PAPPA: variants seen among roughly 807,000 people sequenced by gnomAD.
The protein encoded by PAPPA is pappalysin 1.
PAPPA carries 60 observed loss-of-function variants against 164.0 expected under a neutral mutation model. The observed-to-expected ratio is 0.37, with a 90% CI of 0.30 to 0.45. The LOEUF is 0.45. Ranked by LOEUF, PAPPA falls within the 20% of genes least tolerant of loss-of-function variation. The probability of loss-of-function intolerance (pLI) is 1.00; values close to 1 mark genes in which losing one functional copy is unlikely to be tolerated. For missense variants in PAPPA, 1,782 were observed against 2,087.3 expected (o/e 0.85, Z 2.85); for synonymous variants, 875 against 814.1 (o/e 1.07, Z -1.27).
chr9:116,262,885 T>C (rs975283367), intron 7 of PAPPA, among the ~76,000 whole-genome samples: 58 of 152,360 alleles, frequency 3.8e-4, no homozygotes, highest in African/African-American at 1.3e-3. Context: ...CTTATCCTTC[T>C]GAAAGAAATC....
intron 6 of PAPPA, among the ~76,000 whole-genome samples, chr9:116,229,825 T>G (rs1844567877): frequency 6.6e-6 from 1 of 152,156 alleles, no homozygotes. Context: ...GTGAGGTCGG[T>G]GGCTGTGAGA....
intron 9 of PAPPA, among the ~76,000 whole-genome samples, chr9:116,297,405 A>C (rs1845523187): frequency 6.6e-6 from 1 of 152,192 alleles, no homozygotes; most frequent in Non-Finnish European, 1.5e-5. Flanking sequence ...TTCCTTGTGA[A>C]AATTATCCCT....
intron 21 of PAPPA, among the ~76,000 whole-genome samples, chr9:116,385,666 A>AAT (rs1846800296): frequency 6.6e-6 from 1 of 152,160 alleles, no homozygotes; most frequent in Non-Finnish European, 1.5e-5. Flanking sequence ...CCACATTATA[A>AAT]ATGTAGTTAG....
At chr9:116,372,993 T>C (rs932964685) in intron 19 of PAPPA, among the ~76,000 whole-genome samples, 88 of 152,198 alleles carry the variant, frequency 5.8e-4, no homozygotes, top group African/African-American at 2.1e-3. Flanking sequence ...GCAACCCTCA[T>C]ACATGTCTTT....
At chr9:116,333,734 A>T (rs79655116) in intron 12 of PAPPA, among the ~76,000 whole-genome samples, 3 of 152,328 alleles carry the variant, frequency 2.0e-5, no homozygotes, top group Non-Finnish European at 4.4e-5. Context: ...AAATATTTTC[A>T]TAGTTGTCGT....
Position 116,352,703 on chromosome 9 carries a change from C to T in PAPPA, c.3965-3C>T. 2 of 1,611,366 alleles carry T rather than the reference C, an allele frequency of 1.2e-6. No homozygotes were observed. The highest frequency in any genetic ancestry group is 1.7e-6 in the Non-Finnish European group (2 of 1,178,980). Reference sequence around the variant, plus strand: ...TCTAACCCTGCTTGCCTATGTCTTCCAGGCAACAACAGCCTCCTGACCTGC... The same window carrying T: ...TCTAACCCTGCTTGCCTATGTCTTCTAGGCAACAACAGCCTCCTGACCTGC... On this transcript the variant is annotated splice_region_variant and splice_polypyrimidine_tract_variant and intron_variant, in intron 15 of 21. Transcript: ENST00000328252.
chr9:116,391,660 C>T (rs1393038232), intron 21 of PAPPA, among the ~76,000 whole-genome samples: 1 of 152,228 alleles, frequency 6.6e-6, no homozygotes, highest in African/African-American at 2.4e-5. Context: ...TGTGCCGGAG[C>T]ACCATCTCTA....
rs1564235452 is a variant in PAPPA at position 116,347,023 on chromosome 9, C to T, written c.3781-3C>T. 6.2e-7 allele frequency: 1 copy of T among 1,608,832 alleles called. No individual in the cohort carries two copies. The highest frequency in any genetic ancestry group is 8.5e-7 in the Non-Finnish European group (1 of 1,177,098). On this transcript the variant is annotated splice_region_variant and splice_polypyrimidine_tract_variant and intron_variant, in intron 14 of 21. Transcript: ENST00000328252. The surrounding 1 kb of genome is among the most constrained non-coding windows in gnomAD (Gnocchi z 4.5). ...CCTCACTATGCACGACTCTGCCTTT[C>T]AGACGGGACCCAGCGTCACAGTGAC...
At chr9:116,244,551 T>C (rs559603930) in intron 7 of PAPPA, among the ~76,000 whole-genome samples, 1 of 152,284 alleles carries the variant, frequency 6.6e-6, no homozygotes, top group East Asian at 1.9e-4. Context: ...CTGAAGAGTA[T>C]TATTTCAAGA....
intron 2 of PAPPA, among the ~76,000 whole-genome samples, chr9:116,199,188 G>A (rs1005486224): frequency 6.6e-6 from 1 of 152,096 alleles, no homozygotes; most frequent in Admixed American, 6.6e-5. Flanking sequence ...CCCATTACCT[G>A]GTCCCATCAC....
chr9:116,309,049 G>A (rs1313230470), intron 10 of PAPPA, among the ~76,000 whole-genome samples: 1 of 151,834 alleles, frequency 6.6e-6, no homozygotes, highest in Non-Finnish European at 1.5e-5. Context: ...CAGTGAAAGG[G>A]AATTGTAAGA....
intron 7 of PAPPA, among the ~76,000 whole-genome samples, chr9:116,243,503 T>G (rs1222037204): frequency 1.3e-5 from 2 of 152,156 alleles, no homozygotes; most frequent in Non-Finnish European, 2.9e-5. Flanking sequence ...AGGTCATTGA[T>G]TTAAGGTCCC....
At chr9:116,387,662 G>A (rs1244811278) in intron 21 of PAPPA, among the ~76,000 whole-genome samples, 3 of 152,190 alleles carry the variant, frequency 2.0e-5, no homozygotes, top group South Asian at 2.1e-4. Flanking sequence ...GATGTGAGCC[G>A]CCATGGACGG....
In PAPPA at chr9:116,187,540, A is replaced by G. The variant is rs1587943478; in HGVS notation, c.802A>G (p.Ile268Val). 5.0e-6 allele frequency: 8 copies of G among 1,614,132 alleles called. No individual in the cohort carries two copies. Among genetic ancestry groups the G allele is most frequent in the Non-Finnish European group, 6.8e-6 (8 of 1,180,032 alleles). Residue 268 changes from isoleucine (I) to valine (V), a missense_variant, in exon 2 of 22, where the codon ATA becomes GTA. Ile to Val is a conservative substitution (Grantham distance 29). Transcript: ENST00000328252. The surrounding 1 kb of genome is among the most constrained non-coding windows in gnomAD (Gnocchi z 4.2). ...LWKVARTQRE[I>V]LSDMETHGAH... ...GAAGGTGGCCAGGACTCAGCGGGAGATACTGTCTGACATGGAAACCCATGG... is the reference window on the plus strand; with the variant it reads ...GAAGGTGGCCAGGACTCAGCGGGAGGTACTGTCTGACATGGAAACCCATGG...
At chr9:116,375,956 G>T (rs1273201961) in intron 19 of PAPPA, among the ~76,000 whole-genome samples, 1 of 151,348 alleles carries the variant, frequency 6.6e-6, no homozygotes, top group Non-Finnish European at 1.5e-5. Flanking sequence ...ATTCTTTAAA[G>T]AAATAATTGT....
Position 116,154,544 on chromosome 9 carries a change from G to A in PAPPA, c.372G>A (p.Trp124Ter). Residue 124 changes from tryptophan (W) to a stop codon, truncating the protein, a stop_gained, in exon 1 of 22, where the codon TGG becomes TGA. Transcript: ENST00000328252. LOFTEE classifies it high-confidence loss of function. This position sits in a 1 kb window ranked among gnomAD's most constrained non-coding sequence, Gnocchi z 5.2. ...GGGACGCGTTCACGCTGCAAGTGTGGCTGCGAGCGGAGGGGGGCCAGAGGT... is the reference window on the plus strand; with the variant it reads ...GGGACGCGTTCACGCTGCAAGTGTGACTGCGAGCGGAGGGGGGCCAGAGGT... The part of the protein sequence containing the change: ...LPRDAFTLQV[W>*]LRAEGGQRSP... The A allele has an allele frequency of 1.4e-6, 2 of 1,405,880 alleles. No individual in the cohort carries two copies. The highest frequency in any genetic ancestry group is 1.9e-6 in the Non-Finnish European group (2 of 1,077,812). 87.1% of individuals were successfully genotyped at this position (1,405,880 alleles called of 1,614,324 possible). A position where few individuals can be genotyped will look rare whatever the true frequency, so the allele number is the denominator to read the frequency against.
chr9:116,294,849 TATC>T (rs1408686068), intron 9 of PAPPA, among the ~76,000 whole-genome samples: 3 of 152,218 alleles, frequency 2.0e-5, no homozygotes, highest in South Asian at 2.1e-4. Flanking sequence ...TAAAAGAGAA[TATC>T]ATAATGCCAA....
At position 116,153,913 on chromosome 9, in the gene PAPPA, G is replaced by A; in HGVS notation, c.-260G>A. 1 of 235,284 alleles carries A rather than the reference G, an allele frequency of 4.3e-6. No homozygotes were observed. The highest frequency in any genetic ancestry group is 1.7e-3 in the Middle Eastern group (1 of 604). 14.6% of individuals were successfully genotyped at this position (235,284 alleles called of 1,614,324 possible). A position where few individuals can be genotyped will look rare whatever the true frequency, so the allele number is the denominator to read the frequency against. ...GGAGGAAGGCAACCAGCTGTTAGGG[G>A]AAAAATAAGGCAGATAAAGGAGCGG... On this transcript the variant is annotated 5_prime_UTR_variant, in exon 1 of 22. Coordinates refer to ENST00000328252, the MANE Select transcript of PAPPA (RefSeq NM_002581.5).
In PAPPA at chr9:116,187,954, C is replaced by T. The variant is rs767569306; in HGVS notation, c.1216C>T (p.Arg406Cys). The T allele has an allele frequency of 5.0e-6, 8 of 1,614,020 alleles. No homozygotes were observed. The highest frequency in any genetic ancestry group is 1.7e-5 in the Admixed American group (1 of 60,008). Residue 406 changes from arginine (R) to cysteine (C), a missense_variant, in exon 2 of 22, where the codon CGC becomes TGC. This residue lies in a region of PAPPA where 1,324 missense variants were observed against 1,656.9 expected (regional missense o/e 0.80). Transcript: ENST00000328252. The surrounding 1 kb of genome is among the most constrained non-coding windows in gnomAD (Gnocchi z 4.2). ...DVLEVSNSSL[R>C]RRLILANCDI... ...GCTGGAGGTGAGCAACTCCTCCCTT[C>T]GCCGCCGCCTCATCCTGGCCAACTG... is the stretch of plus-strand genomic sequence containing the variant.
Sources: gnomAD v4.1 joint callset for allele counts (sites outside exome capture counted in the v4.1 genomes callset) on GRCh38, gnomAD v4.1.1 for gene constraint, gnomAD v4.1.1 regional missense constraint, Gnocchi (gnomAD v3.1) non-coding constraint, MANE v1.5 for transcripts, NCBI Gene and HGNC (gene_info 2026-07-23, HGNC 2026-07-21) for gene names.